Variants in NAV2 observed in about 807,000 individuals in gnomAD.
NAV2 encodes the protein neuron navigator 2, also known as helicase, APC down-regulated 1.
Under a neutral mutation model 223.2 loss-of-function variants are expected in NAV2, and 54 were observed. The observed-to-expected ratio is 0.24, with a 90% CI of 0.19 to 0.30. NAV2 has a LOEUF of 0.30. NAV2 is among the 10% of genes least tolerant of loss of function. NAV2 has a pLI of 1.00. For synonymous variants in NAV2, 1,279 were observed against 1,239.3 expected, an observed-to-expected ratio of 1.03 and a Z score of -0.67; for missense variants, 2,806 against 3,147.5, an observed-to-expected ratio of 0.89 and a Z score of 2.60.
intron 1 of NAV2, among the ~76,000 whole-genome samples, chr11:19,516,862 A>C (rs971674735): frequency 1.3e-5 from 2 of 152,208 alleles, no homozygotes; most frequent in Non-Finnish European, 2.9e-5. Flanking sequence ...ATGAAATTTC[A>C]GTGAACAAAC....
chr11:20,049,821 T>C lies in NAV2; in HGVS notation c.4371-15T>C. 1 of 1,613,658 alleles carries C rather than the reference T, an allele frequency of 6.2e-7. No homozygotes were observed. Among genetic ancestry groups the C allele is most frequent in the Non-Finnish European group, 8.5e-7 (1 of 1,179,530 alleles). The stretch of plus-strand genomic sequence containing the variant: ...AACGTTCCTTCTCTTGTTTTCTACC[T>C]GCCTGGACTTCTAGCCCTCTCTCTT... On this transcript the variant is annotated splice_polypyrimidine_tract_variant and intron_variant, in intron 15 of 37. Transcript: ENST00000349880.
At chr11:19,915,757 C>T (rs184905932) in intron 6 of NAV2, among the ~76,000 whole-genome samples, 2 of 152,310 alleles carry the variant, frequency 1.3e-5, no homozygotes, top group East Asian at 3.9e-4. Context: ...TCTTGTTGGT[C>T]CTTCATGAGC....
At chr11:19,968,699 A>G (rs1356922615) in intron 10 of NAV2, among the ~76,000 whole-genome samples, 1 of 152,224 alleles carries the variant, frequency 6.6e-6, no homozygotes, top group East Asian at 1.9e-4. Context: ...AAAAAGTCAG[A>G]TACCCCATTA....
chr11:20,078,408 T>C (rs1219080180), intron 24 of NAV2, among the ~76,000 whole-genome samples: 5 of 152,246 alleles, frequency 3.3e-5, no homozygotes, highest in African/African-American at 1.2e-4. Flanking sequence ...GATATTTGCA[T>C]GCTGATATAT....
chr11:19,983,925 G>A (rs2050526262), intron 10 of NAV2, among the ~76,000 whole-genome samples, 200 bp from the exon 11 acceptor site: 1 of 150,964 alleles, frequency 6.6e-6, no homozygotes, highest in African/African-American at 2.4e-5. Context: ...TCACCTTTTT[G>A]TTAGCGAGCT....
chr11:19,355,125 C>A (rs936632751), intron 1 of NAV2, among the ~76,000 whole-genome samples: 7 of 152,158 alleles, frequency 4.6e-5, no homozygotes, highest in African/African-American at 1.7e-4. Context: ...TCCTGACAGA[C>A]ACCTATTGAT....
intron 1 of NAV2, among the ~76,000 whole-genome samples, chr11:19,394,321 T>C (rs929765605): frequency 6.6e-6 from 1 of 152,168 alleles, no homozygotes; most frequent in African/African-American, 2.4e-5. Context: ...GGGGAAAAAA[T>C]GCTTTGATTT....
At chr11:19,409,694 T>C (rs1850057526) in intron 1 of NAV2, among the ~76,000 whole-genome samples, 1 of 152,306 alleles carries the variant, frequency 6.6e-6, no homozygotes, top group Non-Finnish European at 1.5e-5. Flanking sequence ...TCACCTTCAC[T>C]ATTTAATTTA....
intron 1 of NAV2, among the ~76,000 whole-genome samples, chr11:19,421,299 C>T (rs574954680): frequency 6.6e-6 from 1 of 152,292 alleles, no homozygotes; most frequent in East Asian, 1.9e-4. Flanking sequence ...TCTGTACTAG[C>T]CCAGCATCCA....
chr11:19,461,289 C>A (rs145836489), intron 1 of NAV2, among the ~76,000 whole-genome samples: 6 of 152,298 alleles, frequency 3.9e-5, no homozygotes, highest in Non-Finnish European at 7.3e-5. Context: ...TGCCAACACT[C>A]CTCCACAGGG....
chr11:19,973,470 A>G (rs2049430682), intron 10 of NAV2, among the ~76,000 whole-genome samples: 1 of 152,172 alleles, frequency 6.6e-6, no homozygotes, highest in Non-Finnish European at 1.5e-5. Context: ...AGTGTTCGGG[A>G]GAATGCATTT....
intron 11 of NAV2, among the ~76,000 whole-genome samples, chr11:20,015,446 C>T (rs936472760): frequency 1.3e-5 from 2 of 152,184 alleles, no homozygotes; most frequent in Non-Finnish European, 2.9e-5. Flanking sequence ...GCACAGCATT[C>T]CTATACAGGC....
At chr11:19,854,203 G>A (rs2061300151) in intron 3 of NAV2, among the ~76,000 whole-genome samples, 1 of 152,120 alleles carries the variant, frequency 6.6e-6, no homozygotes, top group South Asian at 2.1e-4. Flanking sequence ...GCATCAAAGA[G>A]GTGTTTTTTT....
chr11:19,508,926 A>G (rs1371186931), intron 1 of NAV2, among the ~76,000 whole-genome samples: 1 of 152,230 alleles, frequency 6.6e-6, no homozygotes, highest in Non-Finnish European at 1.5e-5. Flanking sequence ...TGGTCCTACT[A>G]AGTGTTCAGG....
intron 1 of NAV2, among the ~76,000 whole-genome samples, chr11:19,688,390 C>T (rs2049080220): frequency 6.6e-6 from 1 of 152,188 alleles, no homozygotes; most frequent in Non-Finnish European, 1.5e-5. Flanking sequence ...CCCCTAACCC[C>T]ACTGAGTGAG....
At chr11:19,917,097 C>G (rs1392634364) in intron 6 of NAV2, among the ~76,000 whole-genome samples, 1 of 152,234 alleles carries the variant, frequency 6.6e-6, no homozygotes, top group Non-Finnish European at 1.5e-5. Context: ...TGTCCTGGAT[C>G]AGCCCTGCCC....
intron 1 of NAV2, among the ~76,000 whole-genome samples, chr11:19,498,636 C>T (rs1253096462): frequency 6.6e-6 from 1 of 152,170 alleles, no homozygotes; most frequent in Non-Finnish European, 1.5e-5. Context: ...TGTTCATTCC[C>T]ATATTTTATT....
At chr11:19,465,347 C>G (rs1852313847) in intron 1 of NAV2, among the ~76,000 whole-genome samples, 1 of 152,198 alleles carries the variant, frequency 6.6e-6, no homozygotes, top group Non-Finnish European at 1.5e-5. Flanking sequence ...CAAGATTTTC[C>G]CATATCTACA....
chr11:19,352,507 T>C (rs1484224464), intron 1 of NAV2, among the ~76,000 whole-genome samples: 1 of 152,214 alleles, frequency 6.6e-6, no homozygotes, highest in Non-Finnish European at 1.5e-5. Context: ...CCACATGTAC[T>C]ATGGAGCCTC....
Sources: allele counts gnomAD v4.1 joint callset (sites outside exome capture counted in the v4.1 genomes callset), GRCh38; gene constraint gnomAD v4.1.1; transcripts MANE v1.5; gene names NCBI Gene and HGNC (gene_info 2026-07-23, HGNC 2026-07-21).